GRAMD1B: variants seen among roughly 807,000 people sequenced by gnomAD.
The protein encoded by GRAMD1B is protein Aster-B.
GRAMD1B carries 37 observed loss-of-function variants against 99.7 expected under a neutral mutation model. The observed-to-expected ratio is 0.37, with a 90% confidence interval of 0.29 to 0.49. The LOEUF (loss-of-function observed/expected upper bound fraction) is 0.49, where lower values mean the gene tolerates loss of function less well. Ranked by LOEUF, GRAMD1B falls within the 20% of genes least tolerant of loss-of-function variation. The pLI is 0.98. For synonymous variants in GRAMD1B, 427 were observed against 387.6 expected (o/e 1.10, Z -1.19); for missense variants, 888 against 1,009.2 (o/e 0.88, Z 1.63).
In GRAMD1B at chr11:123,361,141, G is replaced by A. The variant is rs187554417; in HGVS notation, c.-176+2342G>A. Among the ~76,000 whole-genome samples the A allele has an allele frequency of 8.5e-5, 13 of 152,192 alleles. No homozygotes were observed. In the East Asian group the frequency reaches 1.5e-3, roughly 18 times the overall value. ...GAAATCACATCCTTCTAAGGAGATG[G>A]CATTTGTCCCTGCCATCTCCTTCCA... On this transcript the variant is annotated intron_variant, in intron 1 of 20. Transcript: ENST00000638157.
intron 11 of GRAMD1B, chr11:123,608,370 A>C (rs1200650983): frequency 1.3e-6 from 1 of 785,690 alleles, no homozygotes; most frequent in East Asian, 2.7e-5. Flanking sequence ...CAACTGAATT[A>C]GGGAGGTTTG....
intron 1 of GRAMD1B, among the ~76,000 whole-genome samples, chr11:123,360,221 T>C (rs558155788): frequency 5.1e-4 from 78 of 152,338 alleles, no homozygotes; most frequent in African/African-American, 1.8e-3. Flanking sequence ...AGTGTAGACA[T>C]GTAACTCTTA....
At chr11:123,545,658 A>T (rs1181138839) in intron 2 of GRAMD1B, among the ~76,000 whole-genome samples, 1 of 152,204 alleles carries the variant, frequency 6.6e-6, no homozygotes, top group Non-Finnish European at 1.5e-5. Context: ...TAGAATTGTT[A>T]TGAGAATTAA....
At chr11:123,405,895 T>G (rs78104022) in intron 1 of GRAMD1B, among the ~76,000 whole-genome samples, 2,961 of 152,074 alleles carry the variant, frequency 0.019, 99 homozygotes, top group African/African-American at 0.066. Flanking sequence ...AGAAGGTGAG[T>G]GTTGTTTCTT....
At chr11:123,385,867 G>C (rs1042219832) in intron 1 of GRAMD1B, among the ~76,000 whole-genome samples, 3 of 152,156 alleles carry the variant, frequency 2.0e-5, no homozygotes, top group African/African-American at 7.2e-5. Flanking sequence ...GTGAGTCTGT[G>C]TGTGTGTGTA....
intron 2 of GRAMD1B, among the ~76,000 whole-genome samples, chr11:123,508,505 C>T (rs903076742): frequency 6.6e-6 from 1 of 152,168 alleles, no homozygotes; most frequent in African/African-American, 2.4e-5. Flanking sequence ...GAGCACTGTA[C>T]AAATGAGAGT....
chr11:123,365,283 A>C (rs1350821126), intron 1 of GRAMD1B, among the ~76,000 whole-genome samples: 1 of 149,622 alleles, frequency 6.7e-6, no homozygotes, highest in East Asian at 1.9e-4. Flanking sequence ...ACAGCGTCTC[A>C]CACCGTTGCC....
At chr11:123,595,092 CA>C (rs964002987) in intron 6 of GRAMD1B, among the ~76,000 whole-genome samples, 1 of 152,066 alleles carries the variant, frequency 6.6e-6, no homozygotes, top group Non-Finnish European at 1.5e-5. Flanking sequence ...CAAATGCAGG[CA>C]AATATTTGGC....
At chr11:123,421,607 T>C (rs1382919805) in intron 1 of GRAMD1B, among the ~76,000 whole-genome samples, 2 of 152,228 alleles carry the variant, frequency 1.3e-5, no homozygotes, top group African/African-American at 4.8e-5. Context: ...TTCCAGGCTA[T>C]AATTCTGTCA....
intron 2 of GRAMD1B, 108 bp from the exon 3 acceptor site, chr11:123,577,259 T>C (rs1298724644): frequency 1.2e-5 from 11 of 908,164 alleles, no homozygotes; most frequent in Non-Finnish European, 1.7e-5. Context: ...CTCACCTGGC[T>C]CCCTGAGCTG....
chr11:123,421,349 T>C (rs1239564347), intron 1 of GRAMD1B, among the ~76,000 whole-genome samples: 1 of 152,248 alleles, frequency 6.6e-6, no homozygotes, highest in Non-Finnish European at 1.5e-5. Flanking sequence ...GACTGACTGT[T>C]AGGACTCCTC....
In GRAMD1B at chr11:123,625,483, G is replaced by C. The variant is rs1034960105; in HGVS notation, c.*2888G>C. The C allele has an allele frequency of 6.6e-6, 1 of 152,258 alleles. No homozygotes were observed. The highest frequency in any genetic ancestry group is 2.4e-5 in the African/African-American group (1 of 41,456). The allele number at this position is 152,258 out of a possible 1,614,324, so 9.4% of individuals were successfully genotyped here. ...ACTGGCCTCAGACAAGCTAATCATG[G>C]TGCGACTCTCTCCCTTCCTCATCCA... On this transcript the variant is annotated 3_prime_UTR_variant, in exon 20 of 20. Transcript: ENST00000635736.
At chr11:123,561,133 T>G (rs555086683) in intron 2 of GRAMD1B, among the ~76,000 whole-genome samples, 2 of 152,322 alleles carry the variant, frequency 1.3e-5, no homozygotes, top group African/African-American at 4.8e-5. Context: ...CAGCAAGACT[T>G]AATTCAGTGC....
At chr11:123,584,194 C>A in intron 3 of GRAMD1B, 118 bp from the exon 4 acceptor site, 1 of 634,484 alleles carries the variant, frequency 1.6e-6, no homozygotes, top group South Asian at 1.8e-5. Flanking sequence ...AAGCATTCAG[C>A]TGCATTTGGA....
chr11:123,539,031 C>T (rs1377736655), intron 2 of GRAMD1B, among the ~76,000 whole-genome samples: 1 of 152,044 alleles, frequency 6.6e-6, no homozygotes, highest in Non-Finnish European at 1.5e-5. Flanking sequence ...TGTATCAGTA[C>T]TTCGTTACTT....
intron 1 of GRAMD1B, among the ~76,000 whole-genome samples, chr11:123,453,755 A>AT (rs1949993142): frequency 6.6e-6 from 1 of 152,220 alleles, no homozygotes; most frequent in African/African-American, 2.4e-5. Flanking sequence ...AATACCAGCA[A>AT]TTGGACTCAA....
chr11:123,619,308 C>T (rs1192571853), intron 19 of GRAMD1B, 84 bp downstream of exon 19: 2 of 1,534,258 alleles, frequency 1.3e-6, no homozygotes, highest in South Asian at 1.2e-5. Context: ...ATCCTCGTCT[C>T]TATCACCACC....
At chr11:123,523,630 GT>G (rs1392746425) in intron 2 of GRAMD1B, among the ~76,000 whole-genome samples, 3 of 152,220 alleles carry the variant, frequency 2.0e-5, no homozygotes, top group African/African-American at 7.2e-5. Flanking sequence ...TTTGATCCAG[GT>G]TTTCTGTGTT....
chr11:123,438,063 T>C (rs1445132559), intron 1 of GRAMD1B, among the ~76,000 whole-genome samples: 3 of 152,210 alleles, frequency 2.0e-5, no homozygotes, highest in Non-Finnish European at 2.9e-5. Context: ...TGATCGGTGC[T>C]GGATAGGGTT....
Sources: allele counts gnomAD v4.1 joint callset (sites outside exome capture counted in the v4.1 genomes callset), GRCh38; gene constraint gnomAD v4.1.1; transcripts MANE v1.5; gene names NCBI Gene and HGNC (gene_info 2026-07-23, HGNC 2026-07-21).